Variants in SEPTIN9 observed in about 807,000 individuals in gnomAD.
SEPTIN9 encodes the protein septin-9.
Under a neutral mutation model 56.6 loss-of-function variants are expected in SEPTIN9, and 13 were observed. The ratio of observed to expected loss-of-function variants is 0.23; its 90% CI spans 0.15 to 0.37. The LOEUF is 0.37. Among genes scored for constraint, SEPTIN9 ranks in the 10% least tolerant of loss-of-function variants. The probability of loss-of-function intolerance (pLI) is 1.00; values close to 1 mark genes in which losing one functional copy is unlikely to be tolerated. For synonymous variants in SEPTIN9, 332 were observed against 334.1 expected, an observed-to-expected ratio of 0.99 and a Z score of 0.07; for missense variants, 650 against 823.1, an observed-to-expected ratio of 0.79 and a Z score of 2.57.
chr17:77,492,311 G>A lies in SEPTIN9; in HGVS notation c.1381-310G>A, dbSNP rs1598471149. On this transcript the variant is annotated intron_variant, in intron 8 of 11. Coordinates refer to ENST00000427177, the MANE Select transcript of SEPTIN9 (RefSeq NM_001113491.2). The surrounding 1 kb of genome is among the most constrained non-coding windows in gnomAD (Gnocchi z 5.4). ...TTTAGGAAGGGTTTCAGGAGGGGAGGTCTCGGTAACCCTGAGTACTTTCTT... is the reference window on the plus strand; with the variant it reads ...TTTAGGAAGGGTTTCAGGAGGGGAGATCTCGGTAACCCTGAGTACTTTCTT... 6.6e-6 allele frequency among the ~76,000 whole-genome samples: 1 copy of A among 152,140 alleles called. No individual in the cohort carries two copies. The highest frequency in any genetic ancestry group is 6.6e-5 in the Admixed American group (1 of 15,264).
rs577131369 is a variant in SEPTIN9 at position 77,346,278 on chromosome 17, C to CTTTTTTTTTTTTTTTT, written c.76+39095_76+39110dup. ...AGATTCTTAAAGCAGATCCTTAGGTCTTTTTTTTTTTTTTTTTTTTTTTTT... is the reference window on the plus strand; with the variant it reads ...AGATTCTTAAAGCAGATCCTTAGGTCTTTTTTTTTTTTTTTTTTTTTTTTTTTTTTTTTTTTTTTTT... On this transcript the variant is annotated intron_variant, in intron 2 of 11. Transcript: ENST00000427177. 6.0e-4 allele frequency among the ~76,000 whole-genome samples: 28 copies of CTTTTTTTTTTTTTTTT among 46,318 alleles called. 1 individual carries two copies. Among genetic ancestry groups the CTTTTTTTTTTTTTTTT allele is most frequent in the East Asian group, 1.7e-3 (2 of 1,144 alleles). The allele number at this position is 46,318 out of a possible 152,430, so 30.4% of individuals were successfully genotyped here. A position where few individuals can be genotyped will look rare whatever the true frequency, so the allele number is the denominator to read the frequency against.
At chr17:77,452,315 G>A (rs139864657) in intron 3 of SEPTIN9, among the ~76,000 whole-genome samples, 1,658 of 152,332 alleles carry the variant, frequency 0.011, 17 homozygotes, top group Middle Eastern at 0.02. Context: ...AGCCAACGGG[G>A]TGGTCCCCGG....
At chr17:77,358,730 A>T (rs1167025506) in intron 2 of SEPTIN9, among the ~76,000 whole-genome samples, 1 of 152,210 alleles carries the variant, frequency 6.6e-6, no homozygotes, top group East Asian at 1.9e-4. Context: ...TAGCCTGTTC[A>T]TTTTGCTTTA....
chr17:77,315,731 C>A (rs746534435), intron 2 of SEPTIN9, among the ~76,000 whole-genome samples: 8 of 152,266 alleles, frequency 5.3e-5, no homozygotes, highest in African/African-American at 7.2e-5. Context: ...TTCGCTCTTC[C>A]TTCCCGCCCT....
chr17:77,354,670 T>C (rs779195058), intron 2 of SEPTIN9, among the ~76,000 whole-genome samples: 1 of 152,052 alleles, frequency 6.6e-6, no homozygotes, highest in African/African-American at 2.4e-5. Flanking sequence ...CCAAGAAGCT[T>C]TGGGAGAAGC....
At chr17:77,332,633 G>A (rs1362598986) in intron 2 of SEPTIN9, among the ~76,000 whole-genome samples, 2 of 152,196 alleles carry the variant, frequency 1.3e-5, no homozygotes, top group African/African-American at 4.8e-5. Context: ...AGCCTGACCA[G>A]AACATAGAAC....
chr17:77,315,540 C>A (rs1254407893), intron 2 of SEPTIN9, among the ~76,000 whole-genome samples: 1 of 152,206 alleles, frequency 6.6e-6, no homozygotes, highest in Non-Finnish European at 1.5e-5. Flanking sequence ...CCTGCCTCGG[C>A]CTCCCAAAGT....
chr17:77,497,334 T>C lies in SEPTIN9; in HGVS notation c.1593T>C (p.Cys531=). 1 of 1,612,846 alleles carries C rather than the reference T, an allele frequency of 6.2e-7. No homozygotes were observed. Among genetic ancestry groups the C allele is most frequent in the Non-Finnish European group, 8.5e-7 (1 of 1,178,932 alleles). ...TCCTAGTTGAAAACACCACACACTG[T>C]GAGTTTGCCTACCTGCGGGACCTTC... ...GTIEVENTTH[C]EFAYLRDLLI... The change falls in exon 11 of 12, where the codon TGT becomes TGC. Residue 531 remains cysteine (C), a synonymous_variant. Coordinates refer to ENST00000427177, the MANE Select transcript of SEPTIN9 (RefSeq NM_001113491.2).
chr17:77,289,017 C>A (rs1050778488), intron 1 of SEPTIN9, among the ~76,000 whole-genome samples: 1 of 152,194 alleles, frequency 6.6e-6, no homozygotes, highest in East Asian at 1.9e-4. Flanking sequence ...GATAGCAGAG[C>A]CTTCCTGGTA....
chr17:77,313,415 G>C lies in SEPTIN9; in HGVS notation c.76+6218G>C, dbSNP rs1410606777. ...CAGGCGGTTTGCACCAGTAAACCCT[G>C]CAGCGGCCCCAAGGGCAGAGATAGC... On this transcript the variant is annotated intron_variant, in intron 2 of 11. Transcript: ENST00000427177. The surrounding 1 kb of genome is among the most constrained non-coding windows in gnomAD (Gnocchi z 4.5). Among the ~76,000 whole-genome samples, 2 of 152,266 alleles carry C rather than the reference G, an allele frequency of 1.3e-5. No homozygotes were observed. Among genetic ancestry groups the C allele is most frequent in the African/African-American group, 4.8e-5 (2 of 41,474 alleles).
At chr17:77,316,848 A>G (rs868668098) in intron 2 of SEPTIN9, among the ~76,000 whole-genome samples, 1 of 152,142 alleles carries the variant, frequency 6.6e-6, no homozygotes, top group African/African-American at 2.4e-5. Flanking sequence ...CTGAGATTAC[A>G]GGCACGTGCC....
intron 1 of SEPTIN9, among the ~76,000 whole-genome samples, chr17:77,282,604 G>T (rs936514487): frequency 1.1e-4 from 16 of 152,194 alleles, no homozygotes; most frequent in African/African-American, 3.4e-4. Context: ...CAAAATGAGT[G>T]ATAAAGTACC....
At chr17:77,325,433 T>C (rs1055916609) in intron 2 of SEPTIN9, among the ~76,000 whole-genome samples, 2 of 152,210 alleles carry the variant, frequency 1.3e-5, no homozygotes, top group Non-Finnish European at 2.9e-5. Flanking sequence ...AGTCCCGGGC[T>C]GGGCCTGCAC....
intron 3 of SEPTIN9, among the ~76,000 whole-genome samples, chr17:77,479,253 G>T (rs1228509250): frequency 6.6e-6 from 1 of 152,246 alleles, no homozygotes; most frequent in Non-Finnish European, 1.5e-5. Context: ...ACAATGGAGT[G>T]GGTGATCTTT....
intron 3 of SEPTIN9, among the ~76,000 whole-genome samples, chr17:77,465,980 T>A (rs935010624): frequency 2.0e-5 from 3 of 149,822 alleles, no homozygotes; most frequent in Non-Finnish European, 4.4e-5. Context: ...CTGGAAGTGC[T>A]GGGGCCCCCA....
In SEPTIN9 at chr17:77,500,305, A is replaced by G. The variant is rs1352153947; in HGVS notation, c.*1647A>G. 1 of 181,366 alleles carries G rather than the reference A, an allele frequency of 5.5e-6. No homozygotes were observed. Among genetic ancestry groups the G allele is most frequent in the Non-Finnish European group, 1.2e-5 (1 of 86,112 alleles). The allele number at this position is 181,366 out of a possible 1,614,324, so 11.2% of individuals were successfully genotyped here. A position where few individuals can be genotyped will look rare whatever the true frequency, so the allele number is the denominator to read the frequency against. On this transcript the variant is annotated 3_prime_UTR_variant, in exon 12 of 12. Coordinates refer to ENST00000427177, the MANE Select transcript of SEPTIN9 (RefSeq NM_001113491.2). The stretch of plus-strand genomic sequence containing the variant: ...ACTTGCCATGTTTTTGCCAAAACCA[A>G]GATTTTGAAGGAAATGAGTGGCCAG...
chr17:77,304,591 C>T (rs998992211), intron 1 of SEPTIN9, among the ~76,000 whole-genome samples: 24 of 152,132 alleles, frequency 1.6e-4, no homozygotes, highest in Non-Finnish European at 1.8e-4. Context: ...CAGCCTTTGT[C>T]GCCGGCATCC....
chr17:77,414,439 G>A (rs7223768), intron 3 of SEPTIN9, among the ~76,000 whole-genome samples: 53,185 of 151,920 alleles, frequency 0.35, 9,935 homozygotes, highest in Non-Finnish European at 0.4. Context: ...TGCAACCATC[G>A]TCACCACAAC....
rs1321271633 is a variant in SEPTIN9, at chr17:77,293,305, C to T, written c.19+11751C>T. Among the ~76,000 whole-genome samples the T allele has an allele frequency of 7.2e-5, 11 of 152,188 alleles. 1 individual carries two copies. The highest frequency in any genetic ancestry group is 7.2e-4 in the Admixed American group (11 of 15,282). ...AAGTACTGGAGCTACAGGCATGTGCCATCACGCCTTGCTAATTTTTGTATT... is the reference window on the plus strand; with the variant it reads ...AAGTACTGGAGCTACAGGCATGTGCTATCACGCCTTGCTAATTTTTGTATT... On this transcript the variant is annotated intron_variant, in intron 1 of 11. Coordinates refer to ENST00000427177, the MANE Select transcript of SEPTIN9 (RefSeq NM_001113491.2).
Sources: gnomAD v4.1 joint callset for allele counts (sites outside exome capture counted in the v4.1 genomes callset) on GRCh38, gnomAD v4.1.1 for gene constraint, Gnocchi (gnomAD v3.1) non-coding constraint, MANE v1.5 for transcripts, NCBI Gene and HGNC (gene_info 2026-07-23, HGNC 2026-07-21) for gene names.